Variants in VPS13C observed in about 807,000 individuals in gnomAD.
VPS13C encodes intermembrane lipid transfer protein VPS13C.
VPS13C carries 358 observed loss-of-function variants against 456.8 expected under a neutral mutation model. The ratio of observed to expected loss-of-function variants is 0.78; its 90% CI spans 0.72 to 0.86. The LOEUF (loss-of-function observed/expected upper bound fraction) is 0.86, where lower values mean the gene tolerates loss of function less well. Ranked by LOEUF, VPS13C falls within the 40% of genes least tolerant of loss-of-function variation. The pLI is 0.00. For missense variants in VPS13C, 4,818 were observed against 4,385.4 expected (o/e 1.10, Z -2.79); for synonymous variants, 1,578 against 1,486.7 (o/e 1.06, Z -1.41).
At chr15:62,046,391 C>A (rs543078807) in intron 1 of VPS13C, among the ~76,000 whole-genome samples, 1 of 152,254 alleles carries the variant, frequency 6.6e-6, no homozygotes, top group African/African-American at 2.4e-5. Flanking sequence ...AAAGTCCTTA[C>A]GTATTATATA....
At chr15:62,018,100 T>C (rs1213843823) in intron 9 of VPS13C, among the ~76,000 whole-genome samples, 1 of 152,162 alleles carries the variant, frequency 6.6e-6, no homozygotes, top group African/African-American at 2.4e-5. Context: ...CTGTTATTGG[T>C]GTATAAGAAT....
At chr15:61,864,933 C>A in intron 81 of VPS13C, 1 of 976,756 alleles carries the variant, frequency 1.0e-6, no homozygotes, top group South Asian at 4.7e-5. Context: ...GAAATACTAC[C>A]CACTTTCTAT....
chr15:61,913,364 T>C lies in VPS13C; in HGVS notation c.8497A>G (p.Thr2833Ala), dbSNP rs774773419. 8 of 1,614,118 alleles carry C rather than the reference T, an allele frequency of 5.0e-6. No individual in the cohort carries two copies. Among genetic ancestry groups the C allele is most frequent in the South Asian group, 1.1e-5 (1 of 91,088 alleles). ...TTCACACACCCATAACTTCCCACTGTATCCAATGAGAAACTACTGGACCAG... is the reference window on the plus strand; with the variant it reads ...TTCACACACCCATAACTTCCCACTGCATCCAATGAGAAACTACTGGACCAG... ...SAWSSSFSLD[T>A]VGSYGCVKCP... The change falls in exon 62 of 85, where the codon ACA becomes GCA. Residue 2833 changes from threonine (T) to alanine (A), a missense_variant. Thr to Ala is a moderately conservative substitution (Grantham distance 58). Coordinates refer to ENST00000644861, the MANE Select transcript of VPS13C (RefSeq NM_020821.3).
chr15:61,965,417 C>T (rs2045348106), intron 30 of VPS13C, among the ~76,000 whole-genome samples: 1 of 151,710 alleles, frequency 6.6e-6, no homozygotes, highest in Admixed American at 6.6e-5. Context: ...TTTTTTAAAG[C>T]AATCACTCTA....
intron 27 of VPS13C, 123 bp from the exon 28 acceptor site, chr15:61,969,575 C>T (rs2045484106): frequency 4.2e-6 from 2 of 476,842 alleles, no homozygotes; most frequent in African/African-American, 4.0e-5. Context: ...TATCCTTCTG[C>T]CACCATAGCA....
intron 8 of VPS13C, among the ~76,000 whole-genome samples, chr15:62,022,062 C>T (rs1438108610): frequency 6.6e-6 from 1 of 151,846 alleles, no homozygotes; most frequent in East Asian, 1.9e-4. Flanking sequence ...GATGGGCAAT[C>T]TTCTCTATAG....
At chr15:61,982,763 T>A (rs2045926001) in intron 20 of VPS13C, among the ~76,000 whole-genome samples, 190 bp from the exon 21 acceptor site, 1 of 152,206 alleles carries the variant, frequency 6.6e-6, no homozygotes, top group African/African-American at 2.4e-5. Flanking sequence ...GCAAGCTTAC[T>A]GGAGAGGCAA....
intron 29 of VPS13C, 70 bp from the exon 30 acceptor site, chr15:61,966,212 T>C: frequency 9.5e-7 from 1 of 1,049,944 alleles, no homozygotes; most frequent in Admixed American, 2.3e-5. Context: ...ATTTATTATC[T>C]CTGGTTAATT....
intron 9 of VPS13C, among the ~76,000 whole-genome samples, chr15:62,019,942 TC>T (rs1357418657): frequency 6.6e-6 from 1 of 150,810 alleles, no homozygotes; most frequent in Non-Finnish European, 1.5e-5. Context: ...AATAAAAATG[TC>T]CAGCCTATAT....
intron 18 of VPS13C, among the ~76,000 whole-genome samples, chr15:61,989,796 C>T (rs1282409184): frequency 2.6e-5 from 4 of 152,190 alleles, no homozygotes; most frequent in African/African-American, 9.7e-5. Context: ...ATGCCAAGTG[C>T]TGGTGAAGAC....
chr15:61,967,425 G>A lies in VPS13C; in HGVS notation c.2934C>T (p.His978=). 6 of 1,602,522 alleles carry A rather than the reference G, an allele frequency of 3.7e-6. No individual in the cohort carries two copies. The highest frequency in any genetic ancestry group is 5.1e-6 in the Non-Finnish European group (6 of 1,175,308). Residue 978 remains histidine (H), a synonymous_variant, in exon 29 of 85, where the codon CAC becomes CAT. Coordinates refer to ENST00000644861, the MANE Select transcript of VPS13C (RefSeq NM_020821.3). ...CAGGTTTGTCAGAAGAGCTAATCAA[G>A]TGAAGGGGCTTCCTTTTGGATCCTA... ...EIEGSKRKPL[H]LISSSDKPGL...
intron 54 of VPS13C, 46 bp downstream of exon 54, chr15:61,922,351 C>T (rs376216509): frequency 3.3e-5 from 51 of 1,554,470 alleles, no homozygotes; most frequent in Non-Finnish European, 4.2e-5. Context: ...ATTCCAAAAT[C>T]GCACTTTCAA....
intron 74 of VPS13C, among the ~76,000 whole-genome samples, chr15:61,877,852 C>A (rs753537370): frequency 2.0e-5 from 3 of 151,926 alleles, no homozygotes; most frequent in Non-Finnish European, 4.4e-5. Flanking sequence ...TTCCCTTTTG[C>A]GAATTATCTC....
intron 47 of VPS13C, among the ~76,000 whole-genome samples, chr15:61,938,855 G>GTTATTT (rs2044320131): frequency 6.6e-6 from 1 of 151,942 alleles, no homozygotes; most frequent in Admixed American, 6.6e-5. Context: ...AAAGACACCA[G>GTTATTT]CCTAATTTAG....
chr15:61,962,577 G>T (rs749357432), intron 33 of VPS13C, 39 bp from the exon 34 acceptor site: 2 of 1,536,348 alleles, frequency 1.3e-6, no homozygotes, highest in Non-Finnish European at 1.8e-6. Flanking sequence ...ATCCGGGAAG[G>T]TAATGACAAA....
chr15:61,903,860 G>A lies in VPS13C; in HGVS notation c.9105+3404C>T, dbSNP rs58379489. 6.1e-4 allele frequency among the ~76,000 whole-genome samples: 93 copies of A among 152,152 alleles called. 1 individual carries two copies. The East Asian group carries it at 0.013, about 22-fold the overall frequency. On this transcript the variant is annotated intron_variant, in intron 66 of 84. Coordinates refer to ENST00000644861, the MANE Select transcript of VPS13C (RefSeq NM_020821.3). ...CAGCCAACTCATCTTCAACAAAGGC[G>A]GCAAGAGAATATACTGGAAAAAGAC...
chr15:61,854,505 C>G lies in VPS13C; in HGVS notation c.11214G>C (p.Leu3738Phe). 6.2e-7 allele frequency: 1 copy of G among 1,614,144 alleles called. No homozygotes were observed. The highest frequency in any genetic ancestry group is 2.2e-5 in the East Asian group (1 of 44,882). ...DAQSTRQQQK[L>F]MKQSSVRLLR... ...GAAGTCTCACTGATGACTGCTTCATCAATTTTTGCTGCTGTCTCGTTGACT... is the reference window on the plus strand; with the variant it reads ...GAAGTCTCACTGATGACTGCTTCATGAATTTTTGCTGCTGTCTCGTTGACT... The change falls in exon 85 of 85, where the codon TTG (leucine) becomes TTC (phenylalanine). Residue 3738 changes from leucine to phenylalanine, a missense_variant. By Grantham distance (22) the Leu-to-Phe change is conservative. Coordinates refer to ENST00000644861, the MANE Select transcript of VPS13C (RefSeq NM_020821.3).
rs201608248 is a variant in VPS13C, at chr15:61,873,097, C to CA, written c.10578+148dup. On this transcript the variant is annotated intron_variant, in intron 78 of 84. Transcript: ENST00000644861. ...TGGTGGTGACAATGGGGAAGGGGAG[C>CA]AAAAAGGAAACTGGGAAGTCCATCA... The CA allele has an allele frequency of 2.3e-3, 2,835 of 1,250,672 alleles. 55 individuals are homozygous for CA. In the African/African-American group the frequency reaches 0.038, roughly 17 times the overall value. 77.5% of individuals were successfully genotyped at this position (1,250,672 alleles called of 1,614,324 possible).
At chr15:61,922,331 G>C (rs2043685393) in intron 54 of VPS13C, 66 bp downstream of exon 54, 3 of 1,540,344 alleles carry the variant, frequency 1.9e-6, no homozygotes, top group African/African-American at 2.8e-5. Flanking sequence ...CAAGAAAAGT[G>C]TATATCTTAA....
Sources: allele counts gnomAD v4.1 joint callset (sites outside exome capture counted in the v4.1 genomes callset), GRCh38; gene constraint gnomAD v4.1.1; transcripts MANE v1.5; gene names NCBI Gene and HGNC (gene_info 2026-07-23, HGNC 2026-07-21).